Variants in ZNF692 observed in about 807,000 individuals in gnomAD.
ZNF692 encodes the protein zinc finger protein 692.
In ZNF692, 41 loss-of-function variants were observed where a neutral mutation model predicts 49.0. The observed-to-expected ratio is 0.84, with a 90% CI of 0.65 to 1.08. The LOEUF is 1.08. Ranked by LOEUF, ZNF692 falls within the 50% of genes least tolerant of loss-of-function variation. The probability of loss-of-function intolerance (pLI) is 0.00; values close to 1 mark genes in which losing one functional copy is unlikely to be tolerated. For synonymous variants in ZNF692, 288 were observed against 251.5 expected (o/e 1.15, Z -1.37); for missense variants, 662 against 662.2 (o/e 1.00, Z 0.00).
chr1:248,854,002 T>C lies in ZNF692; in HGVS notation c.1088A>G (p.Glu363Gly). ...HIHQKSFSCPEPACGKSFNFK... is the reference protein window; with the variant it reads ...HIHQKSFSCPGPACGKSFNFK... ...GTTGAAAGACTTCCCACAGGCTGGC[T>C]CTGGGCAGGAGAAAGACTTCTGGTG... The change falls in exon 10 of 12, where the codon GAG (glutamate) becomes GGG (glycine). Residue 363 changes from glutamate to glycine, a missense_variant. Coordinates refer to ENST00000306601, the MANE Select transcript of ZNF692 (RefSeq NM_017865.4). The C allele has an allele frequency of 1.9e-6, 3 of 1,614,234 alleles. No individual in the cohort carries two copies. Among genetic ancestry groups the C allele is most frequent in the Non-Finnish European group, 2.5e-6 (3 of 1,180,024 alleles).
intron 6 of ZNF692, 45 bp downstream of exon 6, chr1:248,856,243 G>C: frequency 1.3e-6 from 2 of 1,537,620 alleles, no homozygotes; most frequent in Non-Finnish European, 1.7e-6. Flanking sequence ...CAGGCCAGCT[G>C]CCTCCCTCTC....
chr1:248,856,385 C>A lies in ZNF692; in HGVS notation c.562G>T (p.Gly188Ter), dbSNP rs1459285250. Reference sequence around the variant, plus strand: ...TCTTCTTCCTCACCCTCTTCCTCTCCTGGAGGTGGGAAGGTCTCTGGTGGG... The same window carrying A: ...TCTTCTTCCTCACCCTCTTCCTCTCATGGAGGTGGGAAGGTCTCTGGTGGG... Reference protein sequence around the residue: ...GPPPETFPPPGEEEGEEEEDN... With the variant: ...GPPPETFPPP The change falls in exon 6 of 12, where the codon GGA (glycine) becomes TGA (stop). Residue 188 changes from glycine (G) to a stop codon, truncating the protein, a stop_gained. Transcript: ENST00000306601. LOFTEE classifies it high-confidence loss of function. 2 of 1,612,890 alleles carry A rather than the reference C, an allele frequency of 1.2e-6. No individual in the cohort carries two copies. Among genetic ancestry groups the A allele is most frequent in the Non-Finnish European group, 1.7e-6 (2 of 1,179,376 alleles).
Position 248,857,840 on chromosome 1 carries a change from C to T in ZNF692, c.199G>A (p.Val67Ile), listed in dbSNP as rs1660418509. ...LLDRYTSSGC[V>I]LCAGPEPLPP... ...ATCCCCTACCTACCTGCACAGAGGA[C>T]ACAGCCTGAAGAAGTGTACCTGCCA... The change falls in exon 3 of 12, where the codon GTC (valine) becomes ATC (isoleucine). Residue 67 changes from valine (V) to isoleucine (I), a missense_variant. Transcript: ENST00000306601. 1 of 1,613,926 alleles carries T rather than the reference C, an allele frequency of 6.2e-7. No homozygotes were observed.
Position 248,858,599 on chromosome 1 carries a change from G to A in ZNF692, c.-12-278C>T. ...CTCCAGTCCACTGAAGTGGAGCTGT[G>A]GGGAAGGGGCGAGAGACTTTCACGG... is the stretch of plus-strand genomic sequence containing the variant. On this transcript the variant is annotated intron_variant, in intron 1 of 11. Coordinates refer to ENST00000306601, the MANE Select transcript of ZNF692 (RefSeq NM_017865.4). This position sits in a 1 kb window ranked among gnomAD's most constrained non-coding sequence, Gnocchi z 4.3. 3 of 1,533,486 alleles carry A rather than the reference G, an allele frequency of 2.0e-6. No homozygotes were observed. The highest frequency in any genetic ancestry group is 2.7e-6 in the Non-Finnish European group (3 of 1,130,580). 95.0% of individuals were successfully genotyped at this position (1,533,486 alleles called of 1,614,324 possible).
chr1:248,854,153 C>A, intron 9 of ZNF692, 102 bp from the exon 10 acceptor site: 1 of 813,272 alleles, frequency 1.2e-6, no homozygotes, highest in Admixed American at 2.1e-5. Context: ...TCCTCTGTCC[C>A]CTTCCTGGCC....
Position 248,850,429 on chromosome 1 carries a change from G to T in ZNF692, c.1341C>A (p.Arg447=). The change falls in exon 12 of 12, where the codon CGC becomes CGA. Residue 447 remains arginine (R), a synonymous_variant. Transcript: ENST00000306601. ...RKHAETVAAL[R]FPCEFCGKRF... ...GCTTGCCGCAGAATTCACAGGGGAA[G>T]CGCAAGGCAGCCACCGTCTCTGCAT... 1.9e-6 allele frequency: 3 copies of T among 1,614,088 alleles called. No individual in the cohort carries two copies. The highest frequency in any genetic ancestry group is 2.5e-6 in the Non-Finnish European group (3 of 1,180,008).
rs1211332506 is a variant in ZNF692 at position 248,857,253 on chromosome 1, C to T, written c.456G>A (p.Thr152=). 6 of 1,613,760 alleles carry T rather than the reference C, an allele frequency of 3.7e-6. No homozygotes were observed. The highest frequency in any genetic ancestry group is 2.7e-5 in the African/African-American group (2 of 74,930). ...TTRRSWCSEA[T]SGQELADLES... is the part of the protein sequence containing the mutation. The stretch of plus-strand genomic sequence containing the variant: ...GCCTACCTGCAAGCTCCTGCCCACT[C>T]GTGGCCTCGGAACACCAACTTCTCC... Residue 152 remains threonine, a synonymous_variant, in exon 4 of 12, where the codon ACG becomes ACA. Coordinates refer to ENST00000306601, the MANE Select transcript of ZNF692 (RefSeq NM_017865.4).
chr1:248,857,932 A>C, intron 2 of ZNF692, 73 bp from the exon 3 acceptor site: 1 of 1,591,898 alleles, frequency 6.3e-7, no homozygotes, highest in Non-Finnish European at 8.6e-7. Flanking sequence ...TCACACATGT[A>C]AGGGGCCAGC....
In ZNF692 at chr1:248,856,417, A is replaced by AC. The variant is rs1401970354; in HGVS notation, c.529dup (p.Val177GlyfsTer17). ...TGGGAAGGTCTCTGGTGGGGGTCCC[A>AC]CCCTCCTGCAGGCCCAAAGAAGGCA... On this transcript the variant is annotated frameshift_variant, in exon 6 of 12. Transcript: ENST00000306601. LOFTEE classifies it high-confidence loss of function. 2 of 1,613,256 alleles carry AC rather than the reference A, an allele frequency of 1.2e-6. No homozygotes were observed. Among genetic ancestry groups the AC allele is most frequent in the Non-Finnish European group, 1.7e-6 (2 of 1,179,570 alleles).
chr1:248,850,562 C>G (rs1659442821), intron 11 of ZNF692, 46 bp from the exon 12 acceptor site: 2 of 1,589,442 alleles, frequency 1.3e-6, no homozygotes, highest in African/African-American at 1.3e-5. Context: ...CTCAGGCCAT[C>G]ATGACTTCCC....
chr1:248,852,931 T>C (rs538819505), intron 10 of ZNF692, among the ~76,000 whole-genome samples: 4 of 152,316 alleles, frequency 2.6e-5, no homozygotes, highest in East Asian at 1.9e-4. Flanking sequence ...TTTATATTTA[T>C]ATTTTTGCCT....
At chr1:248,854,181 C>G in intron 9 of ZNF692, 130 bp from the exon 10 acceptor site, 1 of 678,448 alleles carries the variant, frequency 1.5e-6, no homozygotes, top group Admixed American at 2.3e-5. Context: ...CCCAGCAGTT[C>G]TCCCTGTCAT....
chr1:248,850,445 G>A lies in ZNF692; in HGVS notation c.1325C>T (p.Thr442Met), dbSNP rs539285131. 150 of 1,613,888 alleles carry A rather than the reference G, an allele frequency of 9.3e-5. No individual in the cohort carries two copies. Among genetic ancestry groups the A allele is most frequent in the South Asian group, 2.2e-4 (20 of 91,044 alleles). The change falls in exon 12 of 12, where the codon ACG (threonine) becomes ATG (methionine). Residue 442 changes from threonine to methionine, a missense_variant. Coordinates refer to ENST00000306601, the MANE Select transcript of ZNF692 (RefSeq NM_017865.4). ...ACAGGGGAAGCGCAAGGCAGCCACC[G>A]TCTCTGCATGCTTGCGCTGGTGCCA... ...LNWHQRKHAETVAALRFPCEF... is the reference protein window; with the variant it reads ...LNWHQRKHAEMVAALRFPCEF...
chr1:248,854,191 T>C lies in ZNF692; in HGVS notation c.1039-140A>G, dbSNP rs1659950042. 4.7e-6 allele frequency: 3 copies of C among 644,034 alleles called. No individual in the cohort carries two copies. The Admixed American group carries it at 7.5e-5, about 16-fold the overall frequency. The allele number at this position is 644,034 out of a possible 1,614,324, so 39.9% of individuals were successfully genotyped here. On this transcript the variant is annotated intron_variant, in intron 9 of 11. Transcript: ENST00000306601. Reference sequence around the variant, plus strand: ...TGTGCCCCAGCAGTTCTCCCTGTCATGGCCTGCTCGTTTCCTTGAGGCTCA... The same window carrying C: ...TGTGCCCCAGCAGTTCTCCCTGTCACGGCCTGCTCGTTTCCTTGAGGCTCA...
At chr1:248,854,905 C>T (rs1660052092) in intron 9 of ZNF692, among the ~76,000 whole-genome samples, 1 of 152,212 alleles carries the variant, frequency 6.6e-6, no homozygotes, top group Admixed American at 6.5e-5. Context: ...ACCCTCACCT[C>T]ACCATCCCAG....
chr1:248,852,790 C>T (rs962006947), intron 10 of ZNF692, among the ~76,000 whole-genome samples: 3 of 152,200 alleles, frequency 2.0e-5, no homozygotes. Flanking sequence ...AAATACCACT[C>T]TCTTCATCTT....
Position 248,855,458 on chromosome 1 carries a change from C to G in ZNF692, c.960G>C (p.Arg320Ser). The G allele has an allele frequency of 1.2e-6, 2 of 1,614,184 alleles. No individual in the cohort carries two copies. The highest frequency in any genetic ancestry group is 1.7e-6 in the Non-Finnish European group (2 of 1,180,040). ...GCATCAGCTCTCTTTTGGCAGCTTT[C>G]CTGAGGAGAAGAATGGAAAGGAGCA... ...DTAQIGPKRI[R>S]KAAKRELMPC... Residue 320 changes from arginine to serine, a missense_variant and splice_region_variant, in exon 9 of 12, where the codon AGG becomes AGC. Physicochemically the swap from Arg to Ser is moderately radical, Grantham distance 110. Coordinates refer to ENST00000306601, the MANE Select transcript of ZNF692 (RefSeq NM_017865.4).
At chr1:248,854,324 C>G (rs1172568967) in intron 9 of ZNF692, 2 of 396,418 alleles carry the variant, frequency 5.0e-6, no homozygotes, top group East Asian at 4.9e-5. Flanking sequence ...TTGTCACACT[C>G]TCACCCTGCA....
At chr1:248,850,894 C>A in intron 10 of ZNF692, 113 bp from the exon 11 acceptor site, 1 of 937,606 alleles carries the variant, frequency 1.1e-6, no homozygotes, top group Non-Finnish European at 1.7e-6. Flanking sequence ...TCAGGAGGCT[C>A]AGGTTCTAAT....
Sources: gnomAD v4.1 joint callset for allele counts (sites outside exome capture counted in the v4.1 genomes callset) on GRCh38, gnomAD v4.1.1 for gene constraint, Gnocchi (gnomAD v3.1) non-coding constraint, MANE v1.5 for transcripts, NCBI Gene and HGNC (gene_info 2026-07-23, HGNC 2026-07-21) for gene names.